The following HCLS1 variants were observed in gnomAD, a reference collection of about 807,000 sequenced individuals.
The protein encoded by HCLS1 is hematopoietic lineage cell-specific protein.
A neutral mutation model predicts 68.6 loss-of-function variants in HCLS1; 44 were observed. That is an observed-to-expected ratio of 0.64 (90% CI 0.50 to 0.82). The LOEUF (loss-of-function observed/expected upper bound fraction) is 0.82. Ranked by LOEUF, HCLS1 falls within the 40% of genes least tolerant of loss-of-function variation. The probability of loss-of-function intolerance (pLI) is 0.00; values close to 1 mark genes in which losing one functional copy is unlikely to be tolerated. For synonymous variants in HCLS1, 217 were observed against 225.8 expected (o/e 0.96, Z 0.35); for missense variants, 602 against 612.1 (o/e 0.98, Z 0.17).
At chr3:121,642,617 G>T (rs543791261) in intron 6 of HCLS1, among the ~76,000 whole-genome samples, 2 of 151,726 alleles carry the variant, frequency 1.3e-5, no homozygotes, top group African/African-American at 4.8e-5. Flanking sequence ...TCTCTACAAA[G>T]AATAAAAAAT....
At chr3:121,637,031 C>A in intron 7 of HCLS1, 115 bp downstream of exon 7, 1 of 722,736 alleles carries the variant, frequency 1.4e-6, no homozygotes. Flanking sequence ...CCCTGGCACC[C>A]CCTGCTCTGC....
At chr3:121,654,678 T>A (rs1287893195) in intron 3 of HCLS1, among the ~76,000 whole-genome samples, 1 of 152,194 alleles carries the variant, frequency 6.6e-6, no homozygotes, top group Non-Finnish European at 1.5e-5. Flanking sequence ...GGTAGTAAGA[T>A]TAGTAAGAAC....
At position 121,634,308 on chromosome 3, in the gene HCLS1, G is replaced by T; in HGVS notation, c.802C>A (p.Arg268=). Residue 268 remains arginine (R), a synonymous_variant, in exon 10 of 14, where the codon CGA becomes AGA. Transcript: ENST00000314583. ...GGGCTCCTCTTTGTCACAGCCTTTC[G>T]CTCCTGTTGCCTCCTGGCCACCTGC... ...AQQVARRQQE[R]KAVTKRSPEA... The T allele has an allele frequency of 6.2e-7, 1 of 1,614,100 alleles. No homozygotes were observed. Among genetic ancestry groups the T allele is most frequent in the Non-Finnish European group, 8.5e-7 (1 of 1,180,026 alleles).
rs1379539892 is a variant in HCLS1, at chr3:121,646,569, TTAC to T, written c.288+747_288+749del. Among the ~76,000 whole-genome samples the T allele has an allele frequency of 3.7e-4, 41 of 110,224 alleles. 1 individual carries two copies. In the South Asian group the frequency reaches 0.01, roughly 27 times the overall value. 72.3% of individuals were successfully genotyped at this position (110,224 alleles called of 152,430 possible). On this transcript the variant is annotated intron_variant, in intron 4 of 13. Transcript: ENST00000314583. ...TATTATATATATTAATATATATTTA[TTAC>T]ATATATTAATATATATAATATATAT... is the stretch of plus-strand genomic sequence containing the variant.
rs753236130 is a variant in HCLS1 at position 121,631,517 on chromosome 3, C to T, written c.*329G>A. On this transcript the variant is annotated 3_prime_UTR_variant, in exon 14 of 14. Coordinates refer to ENST00000314583, the MANE Select transcript of HCLS1 (RefSeq NM_005335.6). ...AGCACAATGAGGCAAACCACACAAT[C>T]TAGACGTACTTTCCCGGGTAAACAA... is the stretch of plus-strand genomic sequence containing the variant. 2.1e-5 allele frequency: 6 copies of T among 284,708 alleles called. No homozygotes were observed. The Admixed American group carries it at 2.4e-4, about 11-fold the overall frequency. The allele number at this position is 284,708 out of a possible 1,614,324, so 17.6% of individuals were successfully genotyped here.
At chr3:121,653,860 C>T (rs375941647) in intron 3 of HCLS1, 5 of 152,196 alleles carry the variant, frequency 3.3e-5, no homozygotes, top group African/African-American at 9.6e-5. Context: ...CAGAGCAGTG[C>T]CACTCAGTGT....
chr3:121,648,845 G>A (rs975839732), intron 3 of HCLS1, among the ~76,000 whole-genome samples: 3 of 152,154 alleles, frequency 2.0e-5, no homozygotes, highest in Non-Finnish European at 2.9e-5. Flanking sequence ...CTCTGGCAGC[G>A]TTGAAAGCAG....
intron 10 of HCLS1, among the ~76,000 whole-genome samples, chr3:121,633,466 T>A (rs1354299543): frequency 2.0e-5 from 3 of 152,190 alleles, no homozygotes; most frequent in African/African-American, 7.2e-5. Context: ...TCGTGATCTG[T>A]CTGCCTTGAC....
intron 3 of HCLS1, among the ~76,000 whole-genome samples, chr3:121,655,864 A>T (rs1937854458): frequency 6.7e-6 from 1 of 150,374 alleles, no homozygotes; most frequent in Non-Finnish European, 1.5e-5. Context: ...TTATTTATTT[A>T]TTGAGACTGA....
rs531575208 is a variant in HCLS1 at position 121,647,202 on chromosome 3, C to T, written c.288+117G>A. ...TTCACCGTGTTAGCCAGGATGGTCT[C>T]GATCTCCTAACCTCATGATCCACCC... On this transcript the variant is annotated intron_variant, in intron 4 of 13. Transcript: ENST00000314583. The T allele has an allele frequency of 3.9e-5, 38 of 981,596 alleles. No individual in the cohort carries two copies. In the East Asian group the frequency reaches 6.4e-4, roughly 17 times the overall value. 60.8% of individuals were successfully genotyped at this position (981,596 alleles called of 1,614,324 possible). A position where few individuals can be genotyped will look rare whatever the true frequency, so the allele number is the denominator to read the frequency against.
chr3:121,632,390 C>T lies in HCLS1; in HGVS notation c.1182G>A (p.Glu394=), dbSNP rs760002949. 8 of 1,614,134 alleles carry T rather than the reference C, an allele frequency of 5.0e-6. No homozygotes were observed. Among genetic ancestry groups the T allele is most frequent in the Non-Finnish European group, 6.8e-6 (8 of 1,180,018 alleles). The change falls in exon 12 of 14, where the codon GAG becomes GAA. Residue 394 remains glutamate, a synonymous_variant. Coordinates refer to ENST00000314583, the MANE Select transcript of HCLS1 (RefSeq NM_005335.6). ...GCTCGAGCACCTCCTCATAGTCCCC[C>T]TCTGGTTCATCCTCCTGCTCATGCC... ...MDRHEQEDEP[E]GDYEEVLEPE...
chr3:121,644,728 C>T (rs1002841424), intron 5 of HCLS1, 90 bp downstream of exon 5: 1 of 913,416 alleles, frequency 1.1e-6, no homozygotes, highest in Admixed American at 1.7e-5. Context: ...TGTCTTTCAA[C>T]AAAGAAGCAT....
intron 1 of HCLS1, among the ~76,000 whole-genome samples, chr3:121,660,207 T>A (rs984966762): frequency 2.6e-5 from 4 of 152,222 alleles, no homozygotes; most frequent in Non-Finnish European, 5.9e-5. Flanking sequence ...CTAACTTTAA[T>A]AATTTGGCAA....
chr3:121,647,450 TG>T lies in HCLS1; in HGVS notation c.159-3del. 6.2e-7 allele frequency: 1 copy of T among 1,614,070 alleles called. No homozygotes were observed. Among genetic ancestry groups the T allele is most frequent in the Non-Finnish European group, 8.5e-7 (1 of 1,179,982 alleles). ...ACTTTGTTCCTCAGCTGGTGGATGC[TG>T]GAAGAAACCACATGACCAAGGCTCA... On this transcript the variant is annotated splice_region_variant and splice_polypyrimidine_tract_variant and intron_variant, in intron 3 of 13. Coordinates refer to ENST00000314583, the MANE Select transcript of HCLS1 (RefSeq NM_005335.6).
At chr3:121,636,366 G>T (rs1560138012) in intron 8 of HCLS1, 68 bp downstream of exon 8, 2 of 1,311,702 alleles carry the variant, frequency 1.5e-6, no homozygotes, top group Non-Finnish European at 1.1e-6. Context: ...CCTTCTTCAC[G>T]CTCTTCTCTG....
Position 121,632,174 on chromosome 3 carries a change from G to A in HCLS1, c.1251C>T (p.Gly417=), listed in dbSNP as rs2049104183. The change falls in exon 13 of 14, where the codon GGC becomes GGT. Residue 417 remains glycine (G), a synonymous_variant. Coordinates refer to ENST00000314583, the MANE Select transcript of HCLS1 (RefSeq NM_005335.6). ...CCCCAGCCCCAGCCCCAGCCGGGCA[G>A]CCTGATGATCCTGCATAATGAGAAA... The part of the protein sequence containing the change: ...SFSSALAGSS[G]CPAGAGAGAV... 1 of 1,614,042 alleles carries A rather than the reference G, an allele frequency of 6.2e-7. No individual in the cohort carries two copies. The highest frequency in any genetic ancestry group is 1.7e-5 in the Admixed American group (1 of 60,008).
intron 1 of HCLS1, among the ~76,000 whole-genome samples, chr3:121,658,577 C>T (rs1937923553): frequency 2.0e-5 from 3 of 152,108 alleles, no homozygotes; most frequent in African/African-American, 7.2e-5. Context: ...TGGGCTGGGC[C>T]CACCTGGGGC....
intron 3 of HCLS1, among the ~76,000 whole-genome samples, chr3:121,654,448 G>A (rs1176348471): frequency 6.6e-6 from 1 of 152,102 alleles, no homozygotes; most frequent in African/African-American, 2.4e-5. Context: ...AAACAAACAG[G>A]TCAAGGGAAA....
At chr3:121,659,314 C>A (rs1374769831) in intron 1 of HCLS1, among the ~76,000 whole-genome samples, 2 of 152,062 alleles carry the variant, frequency 1.3e-5, no homozygotes, top group Non-Finnish European at 2.9e-5. Flanking sequence ...GAAGAAGTAA[C>A]AACAGACAAT....
Sources: allele counts gnomAD v4.1 joint callset (sites outside exome capture counted in the v4.1 genomes callset), GRCh38; gene constraint gnomAD v4.1.1; transcripts MANE v1.5; gene names NCBI Gene and HGNC (gene_info 2026-07-23, HGNC 2026-07-21).